OSBP2: variants seen among roughly 807,000 people sequenced by gnomAD.
The protein encoded by OSBP2 is oxysterol-binding protein 2.
OSBP2 carries 66 observed loss-of-function variants against 96.0 expected under a neutral mutation model. The ratio of observed to expected loss-of-function variants is 0.69; its 90% CI spans 0.56 to 0.84. OSBP2 has a LOEUF of 0.84. Ranked by LOEUF, OSBP2 falls within the 40% of genes least tolerant of loss-of-function variation. The probability of loss-of-function intolerance (pLI) is 0.00; values close to 1 mark genes in which losing one functional copy is unlikely to be tolerated. For synonymous variants in OSBP2, 525 were observed against 520.9 expected (o/e 1.01, Z -0.11); for missense variants, 1,038 against 1,222.7 (o/e 0.85, Z 2.25).
chr22:30,717,090 T>TTTTTTTGTGTGTGTGTG (rs71328866), intron 1 of OSBP2, among the ~76,000 whole-genome samples: 7 of 118,320 alleles, frequency 5.9e-5, no homozygotes, highest in African/African-American at 2.2e-4. Flanking sequence ...TTTACTGTTT[T>TTTTTTTGTGTGTGTGTG]TGTGTGTGTG....
In OSBP2 at chr22:30,857,941, C is replaced by T. The variant is rs180943809; in HGVS notation, c.854-12488C>T. On this transcript the variant is annotated intron_variant, in intron 2 of 13. Coordinates refer to ENST00000332585, the MANE Select transcript of OSBP2 (RefSeq NM_030758.4). ...GCCAACCCAGCCTGTCAGTAAATGT[C>T]GCTGAAGGGCCTCCTGGAACACCTG... Among the ~76,000 whole-genome samples, 610 of 152,274 alleles carry T rather than the reference C, an allele frequency of 4.0e-3. 7 individuals are homozygous for T. Among genetic ancestry groups the T allele is most frequent in the African/African-American group, 0.014 (583 of 41,544 alleles).
At chr22:30,718,648 T>C (rs1417401384) in intron 1 of OSBP2, among the ~76,000 whole-genome samples, 1 of 152,238 alleles carries the variant, frequency 6.6e-6, no homozygotes, top group Non-Finnish European at 1.5e-5. Context: ...TTCACTGGCC[T>C]TCCTGCCCCT....
At chr22:30,780,193 C>T (rs555251523) in intron 2 of OSBP2, among the ~76,000 whole-genome samples, 65 of 152,228 alleles carry the variant, frequency 4.3e-4, no homozygotes, top group Non-Finnish European at 7.9e-4. Flanking sequence ...TTGAAAACCA[C>T]GAGTTGCCTC....
rs558063971 is a variant in OSBP2, at chr22:30,853,800, G to A, written c.854-16629G>A. ...TTTTTTTTTTTTGAGACAGAGTCTC[G>A]CTCTGTCCCCCAGGCTGGAGTGCAA... On this transcript the variant is annotated intron_variant, in intron 2 of 13. Transcript: ENST00000332585. Among the ~76,000 whole-genome samples, 14 of 143,826 alleles carry A rather than the reference G, an allele frequency of 9.7e-5. No homozygotes were observed. The East Asian group carries it at 2.2e-3, about 23-fold the overall frequency. 94.4% of individuals were successfully genotyped at this position (143,826 alleles called of 152,430 possible).
rs758965012 is a variant in OSBP2 at position 30,906,260 on chromosome 22, A to C, written c.2672A>C (p.Glu891Ala). The C allele has an allele frequency of 4.3e-6, 7 of 1,614,180 alleles. No homozygotes were observed. The highest frequency in any genetic ancestry group is 5.9e-6 in the Non-Finnish European group (7 of 1,180,024). The part of the protein sequence containing the change: ...FEKRLDPLTG[E>A]MACVYKGGYW... ...AAGAGGCTGGATCCGCTGACCGGGGAGATGGCCTGTGTGTACAAGGGCGGC... is the reference window on the plus strand; with the variant it reads ...AAGAGGCTGGATCCGCTGACCGGGGCGATGGCCTGTGTGTACAAGGGCGGC... Residue 891 changes from glutamate (E) to alanine (A), a missense_variant, in exon 14 of 14, where the codon GAG becomes GCG. Around this residue, in one of 3 missense-constraint regions of OSBP2, gnomAD observed 737 missense variants for 913.3 expected, o/e 0.81. Coordinates refer to ENST00000332585, the MANE Select transcript of OSBP2 (RefSeq NM_030758.4).
chr22:30,875,422 G>C (rs780293355), intron 3 of OSBP2, among the ~76,000 whole-genome samples: 1 of 151,870 alleles, frequency 6.6e-6, no homozygotes, highest in Non-Finnish European at 1.5e-5. Context: ...GCCCAGGCTG[G>C]AGTGCAATGG....
At chr22:30,714,462 C>T (rs1343367491) in intron 1 of OSBP2, among the ~76,000 whole-genome samples, 1 of 151,722 alleles carries the variant, frequency 6.6e-6, no homozygotes, top group African/African-American at 2.4e-5. Flanking sequence ...ACTATCTTAA[C>T]TATTTTTAAG....
At chr22:30,905,388 G>A (rs908885578) in intron 12 of OSBP2, among the ~76,000 whole-genome samples, 13 of 151,604 alleles carry the variant, frequency 8.6e-5, no homozygotes, top group Non-Finnish European at 1.0e-4. Context: ...GTGATCCACC[G>A]GCCTCAGCCT....
intron 1 of OSBP2, among the ~76,000 whole-genome samples, chr22:30,730,811 T>TAAAA (rs544751584): frequency 1.4e-5 from 1 of 69,556 alleles, no homozygotes; most frequent in African/African-American, 7.3e-5. Context: ...TATATATAAT[T>TAAAA]TTTTTTTTTT....
intron 1 of OSBP2, among the ~76,000 whole-genome samples, chr22:30,735,284 A>G (rs2089832375): frequency 6.6e-6 from 1 of 152,132 alleles, no homozygotes; most frequent in Non-Finnish European, 1.5e-5. Flanking sequence ...TAGAAAAACT[A>G]ATCTGCTATA....
intron 2 of OSBP2, among the ~76,000 whole-genome samples, chr22:30,761,891 A>G (rs988818541): frequency 6.6e-6 from 1 of 152,236 alleles, no homozygotes; most frequent in Non-Finnish European, 1.5e-5. Context: ...ATCCATATGC[A>G]ATAAAATGAA....
chr22:30,899,279 A>G (rs558247057), intron 12 of OSBP2, among the ~76,000 whole-genome samples: 283 of 151,914 alleles, frequency 1.9e-3, no homozygotes, highest in African/African-American at 6.6e-3. Context: ...TGTAGTACAC[A>G]CCTGTAGTCC....
intron 1 of OSBP2, among the ~76,000 whole-genome samples, chr22:30,726,662 A>G (rs2089656429): frequency 6.6e-6 from 1 of 152,180 alleles, no homozygotes; most frequent in South Asian, 2.1e-4. Flanking sequence ...TAATAAATAA[A>G]TAAATGTAGT....
At chr22:30,825,630 A>G (rs1484890902) in intron 2 of OSBP2, among the ~76,000 whole-genome samples, 1 of 152,226 alleles carries the variant, frequency 6.6e-6, no homozygotes, top group Non-Finnish European at 1.5e-5. Flanking sequence ...GTATATGCAC[A>G]TGTACAGATC....
chr22:30,793,406 C>T (rs1325009893), intron 2 of OSBP2, among the ~76,000 whole-genome samples: 1 of 152,056 alleles, frequency 6.6e-6, no homozygotes, highest in Non-Finnish European at 1.5e-5. Context: ...TGGTTCACAC[C>T]AGTAATCCCA....
intron 12 of OSBP2, among the ~76,000 whole-genome samples, chr22:30,904,680 GTT>G (rs1310544466): frequency 6.6e-6 from 1 of 152,172 alleles, no homozygotes; most frequent in African/African-American, 2.4e-5. Context: ...CTGCTGGACA[GTT>G]ATACAACCTT....
chr22:30,702,782 C>T (rs2089185130), intron 1 of OSBP2, among the ~76,000 whole-genome samples: 1 of 152,180 alleles, frequency 6.6e-6, no homozygotes, highest in Non-Finnish European at 1.5e-5. Flanking sequence ...GTCTGAGCTT[C>T]TCTGCAGATA....
At chr22:30,863,257 C>G (rs2039259950) in intron 2 of OSBP2, among the ~76,000 whole-genome samples, 3 of 152,174 alleles carry the variant, frequency 2.0e-5, no homozygotes, top group Admixed American at 2.0e-4. Context: ...GCTCAGGCAG[C>G]TTAACAGCCC....
At chr22:30,795,517 C>A (rs1409038954) in intron 2 of OSBP2, among the ~76,000 whole-genome samples, 1 of 125,558 alleles carries the variant, frequency 8.0e-6, no homozygotes, top group Non-Finnish European at 1.7e-5. Context: ...CTATCCAATG[C>A]ATTTTTTTTT....
Sources: allele counts gnomAD v4.1 joint callset (sites outside exome capture counted in the v4.1 genomes callset), GRCh38; gene constraint gnomAD v4.1.1; regional missense constraint gnomAD v4.1.1; transcripts MANE v1.5; gene names NCBI Gene and HGNC (gene_info 2026-07-23, HGNC 2026-07-21).